PHF21A: variants seen among roughly 807,000 people sequenced by gnomAD.
PHF21A encodes the protein PHD finger protein 21A.
In PHF21A, 11 loss-of-function variants were observed where a neutral mutation model predicts 82.5. The observed-to-expected ratio is 0.13, with a 90% CI of 0.08 to 0.22. The LOEUF (loss-of-function observed/expected upper bound fraction) is 0.22. Ranked by LOEUF, PHF21A falls within the 10% of genes least tolerant of loss-of-function variation. The probability of loss-of-function intolerance (pLI) is 1.00; values close to 1 mark genes in which losing one functional copy is unlikely to be tolerated. For synonymous variants in PHF21A, 297 were observed against 302.8 expected, an observed-to-expected ratio of 0.98 and a Z score of 0.20; for missense variants, 579 against 837.8, an observed-to-expected ratio of 0.69 and a Z score of 3.81.
chr11:46,094,855 G>A (rs1346762953), intron 1 of PHF21A, among the ~76,000 whole-genome samples: 4 of 152,088 alleles, frequency 2.6e-5, no homozygotes, highest in South Asian at 4.1e-4. Context: ...AACTGAGATC[G>A]CGCCACTACA....
At chr11:46,043,232 C>T (rs1009334871) in intron 6 of PHF21A, among the ~76,000 whole-genome samples, 28 of 152,076 alleles carry the variant, frequency 1.8e-4, no homozygotes, top group African/African-American at 6.5e-4. Flanking sequence ...AGACTGACAA[C>T]CTATCAATGA....
intron 13 of PHF21A, 54 bp downstream of exon 13, chr11:45,949,348 G>T: frequency 1.4e-6 from 2 of 1,424,646 alleles, no homozygotes; most frequent in Admixed American, 1.7e-5. Context: ...GCACTGAACA[G>T]CTCATAAATA....
intron 3 of PHF21A, among the ~76,000 whole-genome samples, chr11:46,088,408 T>TAAC (rs3061959): frequency 0.17 from 25,953 of 150,740 alleles, 4,172 homozygotes; most frequent in East Asian, 0.6. Flanking sequence ...AACTTTCCAA[T>TAAC]AACAACAACA....
chr11:46,051,497 G>A (rs2096365185), intron 6 of PHF21A, among the ~76,000 whole-genome samples: 1 of 152,094 alleles, frequency 6.6e-6, no homozygotes, highest in Non-Finnish European at 1.5e-5. Flanking sequence ...ACTCCTTCTG[G>A]GGCCTCGAGA....
chr11:46,017,438 G>A (rs1046501353), intron 6 of PHF21A, among the ~76,000 whole-genome samples: 8 of 152,104 alleles, frequency 5.3e-5, no homozygotes, highest in African/African-American at 9.7e-5. Context: ...ATACTAGTTG[G>A]ATGTGTTCTT....
intron 6 of PHF21A, among the ~76,000 whole-genome samples, chr11:46,001,040 T>G (rs1164592228): frequency 6.6e-6 from 1 of 152,178 alleles, no homozygotes; most frequent in Non-Finnish European, 1.5e-5. Context: ...AATAAGAATG[T>G]GACACTCTAA....
intron 6 of PHF21A, among the ~76,000 whole-genome samples, chr11:46,037,078 C>T (rs1211857962): frequency 1.3e-5 from 2 of 152,024 alleles, no homozygotes; most frequent in African/African-American, 4.8e-5. Context: ...AATCTTTTTT[C>T]CCTTGGTCAG....
intron 4 of PHF21A, among the ~76,000 whole-genome samples, chr11:46,083,060 A>G (rs2096812104): frequency 6.6e-6 from 1 of 152,212 alleles, no homozygotes; most frequent in Non-Finnish European, 1.5e-5. Flanking sequence ...CATTCAGCCA[A>G]ACTGGGTATT....
intron 6 of PHF21A, among the ~76,000 whole-genome samples, chr11:46,047,424 A>C (rs1347669226): frequency 6.6e-6 from 1 of 152,116 alleles, no homozygotes; most frequent in African/African-American, 2.4e-5. Context: ...GTTAGTCCTT[A>C]TTATATGCCC....
chr11:46,090,861 C>T (rs2096916142), intron 2 of PHF21A, among the ~76,000 whole-genome samples: 1 of 151,948 alleles, frequency 6.6e-6, no homozygotes, highest in South Asian at 2.1e-4. Flanking sequence ...GAACACTAAG[C>T]TTGTGGGAGT....
intron 6 of PHF21A, among the ~76,000 whole-genome samples, chr11:46,013,390 T>C (rs1211660236): frequency 6.6e-6 from 1 of 152,160 alleles, no homozygotes; most frequent in African/African-American, 2.4e-5. Context: ...AGTATCACAG[T>C]GCTGTGTTCA....
In PHF21A at chr11:45,929,997, C is replaced by A. The variant is rs1565105151; in HGVS notation, c.*3971G>T. 4 of 152,210 alleles carry A rather than the reference C, an allele frequency of 2.6e-5. No individual in the cohort carries two copies. Among genetic ancestry groups the A allele is most frequent in the Admixed American group, 1.3e-4 (2 of 15,278 alleles). The allele number at this position is 152,210 out of a possible 1,614,324, so 9.4% of individuals were successfully genotyped here. On this transcript the variant is annotated 3_prime_UTR_variant, in exon 19 of 19. Coordinates refer to ENST00000676320, the MANE Select transcript of PHF21A (RefSeq NM_001352027.3). ...ACAGAAGCCACGGGATCTGGAGAAC[C>A]CAGGCCCTGGAAAATGCACCTGGGC...
intron 6 of PHF21A, among the ~76,000 whole-genome samples, chr11:46,032,931 C>A: frequency 6.6e-6 from 1 of 152,092 alleles, no homozygotes; most frequent in Non-Finnish European, 1.5e-5. Flanking sequence ...TACATATAAT[C>A]TCTAATAAAC....
At chr11:46,082,267 C>A (rs1343210102) in intron 4 of PHF21A, among the ~76,000 whole-genome samples, 1 of 152,190 alleles carries the variant, frequency 6.6e-6, no homozygotes, top group Non-Finnish European at 1.5e-5. Flanking sequence ...TAATCTCATT[C>A]CCTAACTGGA....
chr11:46,044,847 A>C (rs1300049059), intron 6 of PHF21A, among the ~76,000 whole-genome samples: 1 of 152,198 alleles, frequency 6.6e-6, no homozygotes, highest in African/African-American at 2.4e-5. Flanking sequence ...AGGCCAATGA[A>C]ACCTTATTTC....
At chr11:46,072,969 C>T (rs1565854355) in intron 6 of PHF21A, among the ~76,000 whole-genome samples, 2 of 152,146 alleles carry the variant, frequency 1.3e-5, no homozygotes, top group African/African-American at 4.8e-5. Flanking sequence ...TAAAAGATCA[C>T]ATATGCCTAT....
In PHF21A at chr11:45,969,802, T is replaced by A; in HGVS notation, c.702+13A>T. 6.4e-7 allele frequency: 1 copy of A among 1,561,896 alleles called. No homozygotes were observed. The highest frequency in any genetic ancestry group is 8.8e-7 in the Non-Finnish European group (1 of 1,132,606). On this transcript the variant is annotated intron_variant, in intron 9 of 18. Coordinates refer to ENST00000676320, the MANE Select transcript of PHF21A (RefSeq NM_001352027.3). ...ATCTAACCTATCATTGAGCTTGTCA[T>A]TGGTTTACTCACCTGTGGAAGAAAG... is the stretch of plus-strand genomic sequence containing the variant.
At chr11:46,000,735 T>C (rs962678569) in intron 6 of PHF21A, among the ~76,000 whole-genome samples, 9 of 151,812 alleles carry the variant, frequency 5.9e-5, no homozygotes, top group African/African-American at 2.2e-4. Flanking sequence ...GCCTGGCCAA[T>C]AGGGTGAAAC....
chr11:45,938,121 C>T (rs757078384), intron 16 of PHF21A, 36 bp downstream of exon 16: 2 of 1,513,640 alleles, frequency 1.3e-6, no homozygotes, highest in East Asian at 2.4e-5. Flanking sequence ...TCTTTGTCCT[C>T]CTCGGCCCCT....
Sources: allele counts gnomAD v4.1 joint callset (sites outside exome capture counted in the v4.1 genomes callset), GRCh38; gene constraint gnomAD v4.1.1; transcripts MANE v1.5; gene names NCBI Gene and HGNC (gene_info 2026-07-23, HGNC 2026-07-21).